The following BTG4 variants were observed in gnomAD, a reference collection of about 807,000 sequenced individuals.
The protein encoded by BTG4 is BTG anti-proliferation factor 4.
In BTG4, 10 loss-of-function variants were observed where a neutral mutation model predicts 19.3. That is an observed-to-expected ratio of 0.52 (90% confidence interval 0.32 to 0.88). The LOEUF (loss-of-function observed/expected upper bound fraction) is 0.88. BTG4 is among the 40% of genes least tolerant of loss of function. The pLI is 0.04. For synonymous variants in BTG4, 91 were observed against 95.7 expected (o/e 0.95, Z 0.29); for missense variants, 238 against 281.9 (o/e 0.84, Z 1.11).
At chr11:111,447,957 G>A in the BTG4 span, among the ~76,000 whole-genome samples, 3 of 152,134 alleles carry the variant, frequency 2.0e-5, no homozygotes, top group Non-Finnish European at 4.4e-5. Context: ...GTGCTTTGCT[G>A]CCTTCTAACT....
the BTG4 span, among the ~76,000 whole-genome samples, chr11:111,432,805 A>C: frequency 6.6e-6 from 1 of 152,210 alleles, no homozygotes; most frequent in South Asian, 2.1e-4. Flanking sequence ...TTAAACCTTC[A>C]TCTTCCTCAG....
chr11:111,443,564 A>G, the BTG4 span, among the ~76,000 whole-genome samples: 1 of 152,220 alleles, frequency 6.6e-6, no homozygotes, highest in African/African-American at 2.4e-5. Flanking sequence ...ACATTCTAGG[A>G]AAAACTTACA....
chr11:111,503,019 T>G (rs926916909), intron 1 of BTG4, among the ~76,000 whole-genome samples: 1 of 152,220 alleles, frequency 6.6e-6, no homozygotes, highest in Non-Finnish European at 1.5e-5. Context: ...ACTCACTTAG[T>G]GACTATTTAC....
chr11:111,493,421 G>A (rs1408233109), downstream of BTG4, among the ~76,000 whole-genome samples: 1 of 152,206 alleles, frequency 6.6e-6, no homozygotes, highest in Non-Finnish European at 1.5e-5. Context: ...AAAATGAAAT[G>A]TTACCAGAAA....
chr11:111,491,618 C>A (rs1383761497), downstream of BTG4, among the ~76,000 whole-genome samples: 2 of 151,522 alleles, frequency 1.3e-5, no homozygotes, highest in Non-Finnish European at 2.9e-5. Flanking sequence ...TGCCTGTAGT[C>A]CCAGCTACTC....
chr11:111,456,648 C>A, the BTG4 span: 1 of 422,572 alleles, frequency 2.4e-6, no homozygotes, highest in Non-Finnish European at 4.9e-6. The surrounding 1 kb of genome is among the most constrained non-coding windows in gnomAD (Gnocchi z 4.2). Flanking sequence ...ACTTCATCCA[C>A]CCTGACACTG....
At chr11:111,395,938 G>C in the BTG4 span, among the ~76,000 whole-genome samples, 2 of 152,196 alleles carry the variant, frequency 1.3e-5, no homozygotes, top group African/African-American at 4.8e-5. Flanking sequence ...CCACCAGCCG[G>C]TGCAGCTATC....
the BTG4 span, among the ~76,000 whole-genome samples, chr11:111,388,159 T>C: frequency 6.6e-6 from 1 of 152,154 alleles, no homozygotes. Flanking sequence ...TAACTGAAAG[T>C]CCCACAAGAA....
chr11:111,473,336 C>T (rs1864192458), intron 5 of BTG4: 2 of 152,582 alleles, frequency 1.3e-5, no homozygotes. Flanking sequence ...TGCTCTTCAC[C>T]AGTATGGAAC....
intron 4 of BTG4, among the ~76,000 whole-genome samples, chr11:111,495,708 T>C (rs1201069032): frequency 1.3e-5 from 2 of 152,132 alleles, no homozygotes; most frequent in Non-Finnish European, 2.9e-5. Context: ...AGATCACACT[T>C]TGAAAAGACA....
upstream of BTG4, chr11:111,514,330 T>C (rs1053348401): frequency 7.2e-5 from 15 of 209,348 alleles, no homozygotes; most frequent in Non-Finnish European, 1.2e-4. Context: ...TCCCAAGGGC[T>C]AGGCTTTCAG....
chr11:111,436,757 C>T, the BTG4 span, among the ~76,000 whole-genome samples: 1 of 152,246 alleles, frequency 6.6e-6, no homozygotes, highest in African/African-American at 2.4e-5. Flanking sequence ...GCCCCTCCCC[C>T]GGCAGGTGCC....
intron 5 of BTG4, among the ~76,000 whole-genome samples, chr11:111,473,692 A>G (rs1864217351): frequency 6.6e-6 from 1 of 152,166 alleles, no homozygotes; most frequent in South Asian, 2.1e-4. Flanking sequence ...GATACCACAC[A>G]CCAGAAAAAT....
chr11:111,513,140 G>T (rs1390196169), upstream of BTG4: 2 of 386,050 alleles, frequency 5.2e-6, no homozygotes, highest in East Asian at 8.2e-5. Flanking sequence ...CCCCGCGAGC[G>T]CCCGCTGCAA....
the BTG4 span, among the ~76,000 whole-genome samples, chr11:111,399,458 G>A: frequency 6.6e-6 from 1 of 152,174 alleles, no homozygotes; most frequent in Non-Finnish European, 1.5e-5. Context: ...TTCATTTCAT[G>A]GGGAGAAATG....
chr11:111,451,785 C>T, the BTG4 span, among the ~76,000 whole-genome samples: 1 of 152,130 alleles, frequency 6.6e-6, no homozygotes. Context: ...TAAATACTGC[C>T]TCATAACCAG....
chr11:111,446,014 G>A, the BTG4 span, among the ~76,000 whole-genome samples: 1 of 152,200 alleles, frequency 6.6e-6, no homozygotes, highest in African/African-American at 2.4e-5. Flanking sequence ...GAGGAGAAGT[G>A]CAGAGAGCTA....
the BTG4 span, among the ~76,000 whole-genome samples, chr11:111,425,769 C>T: frequency 6.6e-6 from 1 of 152,178 alleles, no homozygotes; most frequent in African/African-American, 2.4e-5. Flanking sequence ...CAGTGGCTGA[C>T]GCCTATAATC....
At chr11:111,405,957 CCTTA>C in the BTG4 span, among the ~76,000 whole-genome samples, 52 of 152,294 alleles carry the variant, frequency 3.4e-4, no homozygotes, top group African/African-American at 9.6e-5. Context: ...TTACTAACAT[CCTTA>C]CTTAATAATA....
Sources: gnomAD v4.1 joint callset for allele counts (sites outside exome capture counted in the v4.1 genomes callset) on GRCh38, gnomAD v4.1.1 for gene constraint, Gnocchi (gnomAD v3.1) non-coding constraint, MANE v1.5 for transcripts, NCBI Gene and HGNC (gene_info 2026-07-23, HGNC 2026-07-21) for gene names.